Variants in EDEM3 observed in about 807,000 individuals in gnomAD.
EDEM3 encodes ER degradation enhancing alpha-mannosidase like protein 3, also known as ER degradation-enhancing alpha-mannosidase-like protein 3.
Under a neutral mutation model 110.2 loss-of-function variants are expected in EDEM3, and 60 were observed. That is an observed-to-expected ratio of 0.54 (90% CI 0.44 to 0.67). The LOEUF is 0.67. EDEM3 is among the 30% of genes least tolerant of loss of function. EDEM3 has a pLI of 0.00. For missense variants in EDEM3, 996 were observed against 1,121.0 expected (o/e 0.89, Z 1.59); for synonymous variants, 352 against 382.9 (o/e 0.92, Z 0.94).
intron 2 of EDEM3, among the ~76,000 whole-genome samples, chr1:184,748,141 CA>C (rs199969455): frequency 8.6e-5 from 13 of 150,596 alleles, no homozygotes; most frequent in East Asian, 3.9e-4. Flanking sequence ...ATGTGGGTGA[CA>C]AAAAAAAATT....
intron 4 of EDEM3, 88 bp downstream of exon 4, chr1:184,736,937 A>G (rs1651858555): frequency 1.8e-6 from 2 of 1,115,410 alleles, no homozygotes; most frequent in East Asian, 2.4e-5. Context: ...GAAGGCTTCT[A>G]TTTCATACTT....
rs1372053788 is a variant in EDEM3, at chr1:184,723,738, C to T, written c.853+13G>A. ...GATGCAAAGGCTTGATTTAAAAAGC[C>T]TAACTTACATACCTTTTCGTACCCA... On this transcript the variant is annotated intron_variant, in intron 8 of 19. Transcript: ENST00000318130. 1.3e-5 allele frequency: 20 copies of T among 1,571,686 alleles called. No homozygotes were observed. The Middle Eastern group carries it at 8.4e-4, about 66-fold the overall frequency.
At chr1:184,699,255 A>T (rs1041717647) in intron 19 of EDEM3, among the ~76,000 whole-genome samples, 2 of 151,868 alleles carry the variant, frequency 1.3e-5, no homozygotes. Context: ...GATGAGAAGC[A>T]GGTAAAGAAC....
rs566318697 is a variant in EDEM3 at position 184,735,296 on chromosome 1, T to C, written c.346-653A>G. On this transcript the variant is annotated intron_variant, in intron 4 of 19. Transcript: ENST00000318130. ...AGGGTTGTTTTCTTAAATAAGATAA[T>C]GTATGTAAAATGATTTTAGTAGAGT... 2.0e-5 allele frequency among the ~76,000 whole-genome samples: 3 copies of C among 152,318 alleles called. No homozygotes were observed. The South Asian group carries it at 6.2e-4, about 32-fold the overall frequency.
chr1:184,743,245 G>A (rs1652241890), intron 2 of EDEM3, among the ~76,000 whole-genome samples: 1 of 152,088 alleles, frequency 6.6e-6, no homozygotes. Flanking sequence ...CAAATTCAGA[G>A]CAATGCATAC....
intron 17 of EDEM3, 150 bp from the exon 18 acceptor site, chr1:184,706,958 T>C (rs1039229849): frequency 1.2e-6 from 1 of 849,308 alleles, no homozygotes; most frequent in African/African-American, 1.7e-5. Context: ...AAAATATTGT[T>C]TTAAACATTT....
chr1:184,719,570 T>C lies in EDEM3; in HGVS notation c.952-2A>G. On this transcript the variant is annotated splice_acceptor_variant, in intron 9 of 19. Coordinates refer to ENST00000318130, the MANE Select transcript of EDEM3 (RefSeq NM_025191.4). LOFTEE classifies it high-confidence loss of function. Reference sequence around the variant, plus strand: ...ATACCTCATTATGGCATCATAGTGCTAAAAGATCACAACATGTGTTCATGA... The same window carrying C: ...ATACCTCATTATGGCATCATAGTGCCAAAAGATCACAACATGTGTTCATGA... 1.2e-6 allele frequency: 2 copies of C among 1,613,616 alleles called. No individual in the cohort carries two copies. The highest frequency in any genetic ancestry group is 2.2e-5 in the East Asian group (1 of 44,848).
rs1651027429 is a variant in EDEM3 at position 184,723,731 on chromosome 1, A to T, written c.853+20T>A. The T allele has an allele frequency of 6.4e-7, 1 of 1,553,512 alleles. No homozygotes were observed. Among genetic ancestry groups the T allele is most frequent in the African/African-American group, 1.4e-5 (1 of 72,712 alleles). Reference sequence around the variant, plus strand: ...TTTTGAGGATGCAAAGGCTTGATTTAAAAAGCCTAACTTACATACCTTTTC... The same window carrying T: ...TTTTGAGGATGCAAAGGCTTGATTTTAAAAGCCTAACTTACATACCTTTTC... On this transcript the variant is annotated intron_variant, in intron 8 of 19. Transcript: ENST00000318130.
In EDEM3 at chr1:184,738,104, C is replaced by T. The variant is rs116561942; in HGVS notation, c.205-393G>A. On this transcript the variant is annotated intron_variant, in intron 2 of 19. Transcript: ENST00000318130. The stretch of plus-strand genomic sequence containing the variant: ...ATGCACATATTGCTCTAACATTTGT[C>T]ACTTAAATAATGGAGTTTTCTTCCC... 2.9e-3 allele frequency among the ~76,000 whole-genome samples: 435 copies of T among 152,276 alleles called. 5 individuals are homozygous for T. The East Asian group carries it at 0.036, about 12-fold the overall frequency.
chr1:184,743,892 T>A (rs1652273954), intron 2 of EDEM3, among the ~76,000 whole-genome samples: 1 of 151,816 alleles, frequency 6.6e-6, no homozygotes, highest in African/African-American at 2.4e-5. Context: ...ATTAAAAAAA[T>A]ATATAAATCC....
At chr1:184,741,406 A>C (rs1397989567) in intron 2 of EDEM3, among the ~76,000 whole-genome samples, 1 of 152,158 alleles carries the variant, frequency 6.6e-6, no homozygotes, top group Non-Finnish European at 1.5e-5. Context: ...TCTCAAAAAA[A>C]AATAAAAATA....
At chr1:184,701,471 A>T in intron 19 of EDEM3, 1 of 1,244,318 alleles carries the variant, frequency 8.0e-7, no homozygotes. Flanking sequence ...TATATAATTT[A>T]AGGCTTGTTA....
At chr1:184,731,672 T>C (rs1422019211) in intron 6 of EDEM3, among the ~76,000 whole-genome samples, 2 of 152,226 alleles carry the variant, frequency 1.3e-5, no homozygotes, top group Non-Finnish European at 2.9e-5. Flanking sequence ...ACTAACTGCT[T>C]CAATTATATC....
rs747148669 is a variant in EDEM3 at position 184,716,909 on chromosome 1, C to T, written c.1349G>A (p.Arg450His). ...TTACCTGTCCTCATGACTTCCAGTA[C>T]GAACATCCTTCATGGCAGCAAATCC... is the stretch of plus-strand genomic sequence containing the variant. Reference protein sequence around the residue: ...PCGFAAMKDVRTGSHEDRMDS... With the variant: ...PCGFAAMKDVHTGSHEDRMDS... The change falls in exon 13 of 20, where the codon CGT (arginine) becomes CAT (histidine). Residue 450 changes from arginine (R) to histidine (H), a missense_variant. Physicochemically the swap from Arg to His is conservative, Grantham distance 29. This residue lies in a region of EDEM3 where 310 missense variants were observed against 394.6 expected (regional missense o/e 0.79). Transcript: ENST00000318130. 2.4e-5 allele frequency: 38 copies of T among 1,613,124 alleles called. No homozygotes were observed. Among genetic ancestry groups the T allele is most frequent in the Non-Finnish European group, 3.1e-5 (36 of 1,179,370 alleles).
chr1:184,711,105 T>A (rs1393646927), intron 15 of EDEM3, among the ~76,000 whole-genome samples: 2 of 150,512 alleles, frequency 1.3e-5, no homozygotes, highest in Admixed American at 6.6e-5. Context: ...AAAAGGAAAT[T>A]TTTTTTTTTT....
At chr1:184,706,197 A>G (rs1649915510) in intron 18 of EDEM3, among the ~76,000 whole-genome samples, 1 of 152,224 alleles carries the variant, frequency 6.6e-6, no homozygotes, top group Admixed American at 6.5e-5. Context: ...GGCCAAGGTT[A>G]CACTGCAATT....
chr1:184,722,200 T>C (rs66640078), intron 8 of EDEM3, among the ~76,000 whole-genome samples: 17,176 of 151,962 alleles, frequency 0.11, 2,150 homozygotes, highest in African/African-American at 0.31. Context: ...TTTACCCATA[T>C]TTATATACAT....
intron 6 of EDEM3, 122 bp downstream of exon 6, chr1:184,732,715 G>A: frequency 1.1e-6 from 1 of 945,110 alleles, no homozygotes; most frequent in South Asian, 2.1e-5. Context: ...TTGTTATATA[G>A]CTTTGAAGCA....
chr1:184,749,156 TTC>T (rs1226725172), intron 2 of EDEM3, among the ~76,000 whole-genome samples: 1 of 152,152 alleles, frequency 6.6e-6, no homozygotes. Context: ...AAGTAACAAT[TTC>T]TCTTTTAAGC....
Sources: gnomAD v4.1 joint callset for allele counts (sites outside exome capture counted in the v4.1 genomes callset) on GRCh38, gnomAD v4.1.1 for gene constraint, gnomAD v4.1.1 regional missense constraint, MANE v1.5 for transcripts, NCBI Gene and HGNC (gene_info 2026-07-23, HGNC 2026-07-21) for gene names.